Variants in TG observed in about 807,000 individuals in gnomAD.
TG encodes thyroid hormones.
A neutral mutation model predicts 324.7 loss-of-function variants in TG; 270 were observed. The ratio of observed to expected loss-of-function variants is 0.83; its 90% CI spans 0.75 to 0.92. The LOEUF (loss-of-function observed/expected upper bound fraction) is 0.92, where lower values mean the gene tolerates loss of function less well. Among genes scored for constraint, TG ranks in the 40% least tolerant of loss-of-function variants. TG has a pLI of 0.00. For missense variants in TG, 3,591 were observed against 3,456.4 expected, an observed-to-expected ratio of 1.04 and a Z score of -0.98; for synonymous variants, 1,401 against 1,327.0, an observed-to-expected ratio of 1.06 and a Z score of -1.21.
chr8:132,885,898 C>A (rs1815341958), intron 8 of TG, among the ~76,000 whole-genome samples: 1 of 152,176 alleles, frequency 6.6e-6, no homozygotes, highest in African/African-American at 2.4e-5. Context: ...GGCTGCCTCC[C>A]TCCAATCTGT....
chr8:132,904,431 G>A (rs1325749352), intron 16 of TG, among the ~76,000 whole-genome samples: 2 of 152,226 alleles, frequency 1.3e-5, no homozygotes, highest in Non-Finnish European at 2.9e-5. Flanking sequence ...AATTAAAGAT[G>A]TAAAGTGTAC....
intron 43 of TG, among the ~76,000 whole-genome samples, chr8:133,101,454 C>A (rs1377654961): frequency 1.3e-5 from 2 of 152,188 alleles, no homozygotes; most frequent in Non-Finnish European, 2.9e-5. Flanking sequence ...CAAGGAGGAC[C>A]TGAAGATGGC....
rs1829701860 is a variant in TG at position 132,972,679 on chromosome 8, T to C, written c.6137T>C (p.Leu2046Ser). 1 of 1,613,872 alleles carries C rather than the reference T, an allele frequency of 6.2e-7. No individual in the cohort carries two copies. The highest frequency in any genetic ancestry group is 1.3e-5 in the African/African-American group (1 of 74,836). ...SEENGGAWRI[L>S]DCGSPDIEVH... Reference sequence around the variant, plus strand: ...GAGAATGGAGGAGCCTGGCGCATTTTGGACTGTGGCTCTCCTGACATTGAA... The same window carrying C: ...GAGAATGGAGGAGCCTGGCGCATTTCGGACTGTGGCTCTCCTGACATTGAA... The change falls in exon 34 of 48, where the codon TTG becomes TCG. Residue 2046 changes from leucine to serine, a missense_variant. Leu to Ser is a moderately radical substitution (Grantham distance 145, BLOSUM62 -2). Transcript: ENST00000220616.
At chr8:133,073,224 A>G (rs1844345379) in intron 41 of TG, 1 of 152,242 alleles carries the variant, frequency 6.6e-6, no homozygotes, top group Non-Finnish European at 1.5e-5. Context: ...CTATGTTGCC[A>G]TCTTGCTGCT....
rs141283832 is a variant in TG, at chr8:132,933,780, C to T, written c.4932+104C>T. The T allele has an allele frequency of 1.5e-5, 15 of 1,009,472 alleles. No homozygotes were observed. The East Asian group carries it at 2.6e-4, about 18-fold the overall frequency. The allele number at this position is 1,009,472 out of a possible 1,614,324, so 62.5% of individuals were successfully genotyped here. On this transcript the variant is annotated intron_variant, in intron 24 of 47. Coordinates refer to ENST00000220616, the MANE Select transcript of TG (RefSeq NM_003235.5). ...TGGCCAGGCGATGGAATGAGGTTGT[C>T]GAGAGCTGATCCTCTGTTACCTCCA...
chr8:133,033,848 A>G (rs1376158398), intron 41 of TG, among the ~76,000 whole-genome samples: 2 of 152,226 alleles, frequency 1.3e-5, no homozygotes, highest in Admixed American at 1.3e-4. Flanking sequence ...CTTATTTTAC[A>G]TGCTTATTAT....
rs1207890459 is a variant in TG at position 132,929,135 on chromosome 8, G to A, written c.4759G>A (p.Val1587Met). 1.2e-6 allele frequency: 2 copies of A among 1,614,164 alleles called. No homozygotes were observed. Among genetic ancestry groups the A allele is most frequent in the East Asian group, 2.2e-5 (1 of 44,882 alleles). The change falls in exon 23 of 48, where the codon GTG (valine) becomes ATG (methionine). Residue 1587 changes from valine to methionine, a missense_variant. By Grantham distance (21) the Val-to-Met change is conservative. Coordinates refer to ENST00000220616, the MANE Select transcript of TG (RefSeq NM_003235.5). ...SKVIFDANAP[V>M]AVRSKVPDSE... Reference sequence around the variant, plus strand: ...GGTGATCTTCGACGCCAATGCTCCTGTGGCTGTCAGATCCAAAGTTCCTGA... The same window carrying A: ...GGTGATCTTCGACGCCAATGCTCCTATGGCTGTCAGATCCAAAGTTCCTGA...
intron 41 of TG, among the ~76,000 whole-genome samples, chr8:133,085,277 C>T (rs992969031): frequency 2.0e-5 from 3 of 152,160 alleles, no homozygotes; most frequent in Non-Finnish European, 4.4e-5. Context: ...AGGCAGAACT[C>T]GTGGACCTTG....
intron 35 of TG, among the ~76,000 whole-genome samples, chr8:133,004,619 T>C (rs144964989): frequency 1.8e-3 from 278 of 152,330 alleles, no homozygotes; most frequent in African/African-American, 6.1e-3. Context: ...CGATATTGTT[T>C]TCACTTCTGA....
intron 41 of TG, among the ~76,000 whole-genome samples, chr8:133,055,357 GCACGCGCGCACACACA>G (rs1212414882): frequency 1.7e-5 from 1 of 59,896 alleles, no homozygotes; most frequent in Admixed American, 1.6e-4. Flanking sequence ...ACACACACAC[GCACGCGCGCACACACA>G]CACACACACA....
At chr8:133,097,848 G>C (rs1025917913) in intron 43 of TG, among the ~76,000 whole-genome samples, 6 of 152,206 alleles carry the variant, frequency 3.9e-5, no homozygotes, top group African/African-American at 1.4e-4. Flanking sequence ...GAAAGAAGCA[G>C]GGCTGGTGAG....
intron 5 of TG, among the ~76,000 whole-genome samples, chr8:132,880,050 G>A (rs1241898108): frequency 6.6e-6 from 1 of 152,210 alleles, no homozygotes; most frequent in Non-Finnish European, 1.5e-5. Context: ...GAGATGCCAG[G>A]AAGAGCGAGG....
intron 27 of TG, among the ~76,000 whole-genome samples, chr8:132,959,595 TC>T (rs1421160955): frequency 6.6e-6 from 1 of 152,218 alleles, no homozygotes; most frequent in Non-Finnish European, 1.5e-5. Flanking sequence ...AAATTGCATT[TC>T]TCAGAACATA....
At chr8:132,983,513 T>A in intron 35 of TG, 101 bp downstream of exon 35, 1 of 1,174,172 alleles carries the variant, frequency 8.5e-7, no homozygotes, top group Non-Finnish European at 1.3e-6. Flanking sequence ...ATAGCTTGCA[T>A]ATCACTCGCA....
chr8:133,008,300 A>G (rs1382273395), intron 35 of TG, among the ~76,000 whole-genome samples: 1 of 152,242 alleles, frequency 6.6e-6, no homozygotes, highest in African/African-American at 2.4e-5. Flanking sequence ...ATGATAAAAT[A>G]CAGAGTGACT....
intron 29 of TG, among the ~76,000 whole-genome samples, chr8:132,966,322 A>C (rs1240131796): frequency 6.6e-6 from 1 of 152,078 alleles, no homozygotes; most frequent in African/African-American, 2.4e-5. Flanking sequence ...CCATCCCATA[A>C]TTTTTAGGAC....
chr8:133,078,626 G>A (rs934360173), intron 41 of TG, among the ~76,000 whole-genome samples: 7 of 152,270 alleles, frequency 4.6e-5, no homozygotes, highest in African/African-American at 1.2e-4. Flanking sequence ...TGTGCCAGAC[G>A]CTATGCATGT....
chr8:133,067,931 G>C (rs112878378), intron 41 of TG, among the ~76,000 whole-genome samples: 24,307 of 148,712 alleles, frequency 0.16, 2,461 homozygotes, highest in Non-Finnish European at 0.23. Context: ...GAGAGAGAGA[G>C]AAAGAAAGAA....
intron 41 of TG, among the ~76,000 whole-genome samples, chr8:133,043,251 G>C (rs1838660305): frequency 6.6e-6 from 1 of 152,110 alleles, no homozygotes; most frequent in African/African-American, 2.4e-5. Flanking sequence ...TGGCCTGGTA[G>C]CCTCATGGCC....
Sources: allele counts gnomAD v4.1 joint callset (sites outside exome capture counted in the v4.1 genomes callset), GRCh38; gene constraint gnomAD v4.1.1; transcripts MANE v1.5; gene names NCBI Gene and HGNC (gene_info 2026-07-23, HGNC 2026-07-21).